The following SLC35F4 variants were observed in gnomAD, a reference collection of about 807,000 sequenced individuals.
SLC35F4 encodes the protein chromosome 14 open reading frame 36.
SLC35F4 carries 24 observed loss-of-function variants against 44.2 expected under a neutral mutation model. That is an observed-to-expected ratio of 0.54 (90% CI 0.39 to 0.76). The LOEUF (loss-of-function observed/expected upper bound fraction) is 0.76. Among genes scored for constraint, SLC35F4 ranks in the 30% least tolerant of loss-of-function variants. The pLI is 0.00. For synonymous variants in SLC35F4, 238 were observed against 223.6 expected (o/e 1.06, Z -0.57); for missense variants, 562 against 586.1 (o/e 0.96, Z 0.42).
rs562479931 is a variant in SLC35F4, at chr14:57,710,960, C to A, written c.104-116836G>T. 7.2e-5 allele frequency among the ~76,000 whole-genome samples: 11 copies of A among 152,092 alleles called. 1 individual carries two copies. Among genetic ancestry groups the A allele is most frequent in the African/African-American group, 2.4e-4 (10 of 41,478 alleles). On this transcript the variant is annotated intron_variant, in intron 1 of 7. Coordinates refer to ENST00000556826, the MANE Select transcript of SLC35F4 (RefSeq NM_001306087.2). ...TGGAATGAGTTAAGACTTCGGGGGA[C>A]TGTTGGGAAGGCATGATTGTGTTTT...
intron 1 of SLC35F4, among the ~76,000 whole-genome samples, chr14:57,782,806 A>G (rs1246481764): frequency 1.3e-5 from 2 of 152,214 alleles, no homozygotes; most frequent in Non-Finnish European, 2.9e-5. Context: ...GAATAACACC[A>G]TTAGAACCAT....
At chr14:57,793,931 C>T (rs146619507) in intron 1 of SLC35F4, among the ~76,000 whole-genome samples, 1,791 of 152,080 alleles carry the variant, frequency 0.012, 33 homozygotes, top group African/African-American at 0.041. Context: ...AACTGATCTT[C>T]GACAAAGCAC....
At chr14:57,839,154 A>T (rs1245445420) in intron 1 of SLC35F4, among the ~76,000 whole-genome samples, 1 of 152,118 alleles carries the variant, frequency 6.6e-6, no homozygotes, top group Non-Finnish European at 1.5e-5. Context: ...TAGGAAAGTG[A>T]ATTAGCTGAA....
intron 1 of SLC35F4, among the ~76,000 whole-genome samples, chr14:57,938,525 T>A (rs1889857828): frequency 6.6e-6 from 1 of 152,228 alleles, no homozygotes. Flanking sequence ...ACAGGATTAA[T>A]GTCATTAAAT....
intron 1 of SLC35F4, among the ~76,000 whole-genome samples, chr14:57,978,389 C>T (rs992266753): frequency 2.0e-5 from 3 of 152,128 alleles, no homozygotes; most frequent in Admixed American, 6.5e-5. Flanking sequence ...TATGCCAGCC[C>T]CACCACCCAA....
chr14:57,848,949 TGTGA>T (rs1886280954), intron 1 of SLC35F4, among the ~76,000 whole-genome samples: 1 of 152,058 alleles, frequency 6.6e-6, no homozygotes, highest in Non-Finnish European at 1.5e-5. Context: ...CCTGCTGGAG[TGTGA>T]GTAATAAAGT....
chr14:57,953,953 T>C (rs541353459), intron 1 of SLC35F4, among the ~76,000 whole-genome samples: 2 of 152,108 alleles, frequency 1.3e-5, no homozygotes, highest in Non-Finnish European at 2.9e-5. Context: ...GAACTCTCCA[T>C]CCCAAATCAA....
intron 1 of SLC35F4, among the ~76,000 whole-genome samples, chr14:57,886,570 AT>A (rs1566921693): frequency 6.6e-6 from 1 of 152,122 alleles, no homozygotes; most frequent in African/African-American, 2.4e-5. Context: ...GAATTAATAT[AT>A]TTTTCCATCA....
intron 1 of SLC35F4, among the ~76,000 whole-genome samples, chr14:57,830,787 G>T (rs138078786): frequency 1.2e-3 from 179 of 152,278 alleles, no homozygotes; most frequent in African/African-American, 4.0e-3. Context: ...TGGAGGTGTT[G>T]CAAGACAAAG....
At chr14:57,973,746 T>C (rs1197117010), downstream of SLC35F4, among the ~76,000 whole-genome samples, 3 of 152,110 alleles carry the variant, frequency 2.0e-5, no homozygotes, top group Non-Finnish European at 2.9e-5. Flanking sequence ...AGAAAAGAAG[T>C]ATAAGCAGAC....
rs2076697939 is a variant in SLC35F4 at position 57,744,261 on chromosome 14, A to T, written c.103+121462T>A. ...CAGGAGAAAGAAATAAAGGGTATTC[A>T]ATTAGGAAAAGAGGAAGTCAAATTG... is the stretch of plus-strand genomic sequence containing the variant. On this transcript the variant is annotated intron_variant, in intron 1 of 7. Coordinates refer to ENST00000556826, the MANE Select transcript of SLC35F4 (RefSeq NM_001306087.2). 2.0e-5 allele frequency among the ~76,000 whole-genome samples: 3 copies of T among 152,324 alleles called. No homozygotes were observed. In the South Asian group the frequency reaches 6.2e-4, roughly 32 times the overall value.
At chr14:57,936,498 G>A (rs552336278) in intron 1 of SLC35F4, among the ~76,000 whole-genome samples, 1 of 152,176 alleles carries the variant, frequency 6.6e-6, no homozygotes, top group Non-Finnish European at 1.5e-5. Context: ...ACCAGATTTT[G>A]AGATTTTGAG....
intron 1 of SLC35F4, among the ~76,000 whole-genome samples, chr14:57,909,454 C>T (rs1482608116): frequency 6.6e-6 from 1 of 151,860 alleles, no homozygotes; most frequent in African/African-American, 2.4e-5. Flanking sequence ...TTTACCCCTC[C>T]TCCCCTTCAA....
At chr14:57,869,212 A>T (rs74055826), upstream of SLC35F4, among the ~76,000 whole-genome samples, 3,311 of 127,878 alleles carry the variant, frequency 0.026, 44 homozygotes, top group African/African-American at 0.05. Flanking sequence ...TTTTTTTTTT[A>T]AAAAAAGCCA....
intron 1 of SLC35F4, among the ~76,000 whole-genome samples, chr14:57,911,758 T>C (rs1365229204): frequency 6.6e-6 from 1 of 152,020 alleles, no homozygotes; most frequent in African/African-American, 2.4e-5. Context: ...AATGTCTTTG[T>C]CTGATTTTTG....
chr14:57,914,334 T>C (rs1005648464), intron 1 of SLC35F4, among the ~76,000 whole-genome samples: 3 of 151,662 alleles, frequency 2.0e-5, no homozygotes, highest in Admixed American at 6.6e-5. Context: ...GAGGCTGAGG[T>C]GGCCAGATCA....
At position 57,843,814 on chromosome 14, in the gene SLC35F4, T is replaced by C. The variant is rs370533126; in HGVS notation, c.103+21909A>G. On this transcript the variant is annotated intron_variant, in intron 1 of 7. Coordinates refer to ENST00000556826, the MANE Select transcript of SLC35F4 (RefSeq NM_001306087.2). The stretch of plus-strand genomic sequence containing the variant: ...CATACTCAAAATCCCCAAACAATTT[T>C]AATATCTCTGCAGGACATTATAACC... Among the ~76,000 whole-genome samples the C allele has an allele frequency of 3.9e-5, 6 of 152,318 alleles. No individual in the cohort carries two copies. In the East Asian group the frequency reaches 9.6e-4, roughly 24 times the overall value.
Position 57,844,824 on chromosome 14 carries a change from C to T in SLC35F4, c.103+20899G>A, listed in dbSNP as rs371549188. ...TGTCCTGACTCTTCACTGCCCTCCG[C>T]CCTCTGTCCATAGAAAACTGTAAGA... On this transcript the variant is annotated intron_variant, in intron 1 of 7. Transcript: ENST00000556826. 2.0e-4 allele frequency among the ~76,000 whole-genome samples: 30 copies of T among 152,278 alleles called. No homozygotes were observed. The South Asian group carries it at 6.2e-3, about 32-fold the overall frequency.
At chr14:57,584,372 AAT>A (rs1459979407) in intron 3 of SLC35F4, among the ~76,000 whole-genome samples, 11 of 152,202 alleles carry the variant, frequency 7.2e-5, no homozygotes, top group African/African-American at 2.4e-4. Flanking sequence ...CTATGGGACA[AAT>A]TCTATTTCCA....
Sources: allele counts gnomAD v4.1 joint callset (sites outside exome capture counted in the v4.1 genomes callset), GRCh38; gene constraint gnomAD v4.1.1; transcripts MANE v1.5; gene names NCBI Gene and HGNC (gene_info 2026-07-23, HGNC 2026-07-21).